The following CYP3A5 variants were observed in gnomAD, a reference collection of about 807,000 sequenced individuals.
CYP3A5 encodes cytochrome P450 family 3 subfamily A member 5.
In CYP3A5, 51 loss-of-function variants were observed where a neutral mutation model predicts 55.9. The observed-to-expected ratio is 0.91, with a 90% CI of 0.73 to 1.15. The LOEUF is 1.15. CYP3A5 is among the 50% of genes most tolerant of loss of function. The pLI, the probability that CYP3A5 is intolerant of heterozygous loss-of-function variation, is 0.00. For synonymous variants in CYP3A5, 196 were observed against 213.9 expected, an observed-to-expected ratio of 0.92 and a Z score of 0.73; for missense variants, 533 against 596.6, an observed-to-expected ratio of 0.89 and a Z score of 1.11.
chr7:99,648,829 T>G (rs1808871995), intron 12 of CYP3A5, among the ~76,000 whole-genome samples: 1 of 152,142 alleles, frequency 6.6e-6, no homozygotes, highest in African/African-American at 2.4e-5. Context: ...ACAGTTTAAT[T>G]ATGTGGGCAG....
At chr7:99,669,172 G>A (rs1210282436) in intron 4 of CYP3A5, among the ~76,000 whole-genome samples, 2 of 152,200 alleles carry the variant, frequency 1.3e-5, no homozygotes, top group Non-Finnish European at 2.9e-5. Flanking sequence ...TCAATGAAAA[G>A]TGGACAAATG....
At position 99,653,449 on chromosome 7, in the gene CYP3A5, T is replaced by TTAAA. The variant is rs1647328560; in HGVS notation, c.1027-671_1027-670insTTTA. ...TTGGGTCGTAGAGTCAGACCCTGTC[T>TTAAA]CAAATAAATAAATAAATAAATAAAT... On this transcript the variant is annotated intron_variant, in intron 10 of 12. Transcript: ENST00000222982. This position sits in a 1 kb window ranked among gnomAD's most constrained non-coding sequence, Gnocchi z 4.2. Among the ~76,000 whole-genome samples, 2 of 42,670 alleles carry TTAAA rather than the reference T, an allele frequency of 4.7e-5. No homozygotes were observed. Among genetic ancestry groups the TTAAA allele is most frequent in the South Asian group, 9.3e-4 (1 of 1,078 alleles). The allele number at this position is 42,670 out of a possible 152,430, so 28.0% of individuals were successfully genotyped here. A position where few individuals can be genotyped will look rare whatever the true frequency, so the allele number is the denominator to read the frequency against.
At chr7:99,652,189 A>G (rs1051349355) in intron 11 of CYP3A5, 1 of 148,682 alleles carries the variant, frequency 6.7e-6, no homozygotes, top group Non-Finnish European at 1.5e-5. Context: ...ATATATATAC[A>G]TATATATGTA....
chr7:99,670,093 C>T (rs1377100073), intron 4 of CYP3A5, among the ~76,000 whole-genome samples: 1 of 152,170 alleles, frequency 6.6e-6, no homozygotes, highest in Non-Finnish European at 1.5e-5. Context: ...GATGCTGACT[C>T]TAGCAAGTCA....
At chr7:99,652,342 T>C in intron 11 of CYP3A5, 1 of 407,150 alleles carries the variant, frequency 2.5e-6, no homozygotes, top group East Asian at 3.8e-5. Context: ...TAATTGATTA[T>C]CTTTGTCTTG....
intron 10 of CYP3A5, among the ~76,000 whole-genome samples, chr7:99,657,639 C>T (rs1447882423): frequency 6.6e-6 from 1 of 152,054 alleles, no homozygotes; most frequent in Non-Finnish European, 1.5e-5. Context: ...GGATATCCTT[C>T]TTAACTTTCT....
At chr7:99,672,824 A>T in intron 3 of CYP3A5, 145 bp from the exon 4 acceptor site, 1 of 1,480,922 alleles carries the variant, frequency 6.8e-7, no homozygotes, top group South Asian at 1.4e-5. Flanking sequence ...GTTCTAGTTC[A>T]TTAGGGTGTG....
At position 99,665,240 on chromosome 7, in the gene CYP3A5, G is replaced by A; in HGVS notation, c.596C>T (p.Pro199Leu). Residue 199 changes from proline (P) to leucine (L), a missense_variant, in exon 7 of 13, where the codon CCA becomes CTA. Transcript: ENST00000222982. The stretch of plus-strand genomic sequence containing the variant: ...AGTGCTCTCCACAAAGGGGTCTTGT[G>A]GATTGTTGAGAGAGTCGATGTTCAC... Reference protein sequence around the residue: ...FGVNIDSLNNPQDPFVESTKK... With the variant: ...FGVNIDSLNNLQDPFVESTKK... 1 of 1,614,152 alleles carries A rather than the reference G, an allele frequency of 6.2e-7. No individual in the cohort carries two copies. Among genetic ancestry groups the A allele is most frequent in the Non-Finnish European group, 8.5e-7 (1 of 1,179,992 alleles).
intron 10 of CYP3A5, chr7:99,658,910 C>G (rs1315650823): frequency 1.3e-5 from 2 of 152,194 alleles, no homozygotes; most frequent in African/African-American, 4.8e-5. Flanking sequence ...ACGTAGTTCT[C>G]GTGCCATGGT....
At chr7:99,671,885 A>C (rs904198743) in intron 4 of CYP3A5, 2 of 701,830 alleles carry the variant, frequency 2.8e-6, no homozygotes, top group Non-Finnish European at 5.2e-6. Flanking sequence ...AAATCTACGA[A>C]TGTGAAAAAT....
At position 99,662,040 on chromosome 7, in the gene CYP3A5, A is replaced by G. The variant is rs553766403; in HGVS notation, c.865+776T>C. 6.6e-6 allele frequency among the ~76,000 whole-genome samples: 1 copy of G among 152,378 alleles called. No individual in the cohort carries two copies. Among genetic ancestry groups the G allele is most frequent in the Non-Finnish European group, 1.5e-5 (1 of 68,038 alleles). On this transcript the variant is annotated intron_variant, in intron 9 of 12. Transcript: ENST00000222982. This position sits in a 1 kb window ranked among gnomAD's most constrained non-coding sequence, Gnocchi z 4.3. ...ATCACAGCAAGTTTTGTTGAGATAG[A>G]TAGATGATTAATTGATAAATTATAG... is the stretch of plus-strand genomic sequence containing the variant.
At position 99,653,608 on chromosome 7, in the gene CYP3A5, A is replaced by C. The variant is rs1458191508; in HGVS notation, c.1027-829T>G. 6.6e-6 allele frequency among the ~76,000 whole-genome samples: 1 copy of C among 152,158 alleles called. No homozygotes were observed. Among genetic ancestry groups the C allele is most frequent in the East Asian group, 1.9e-4 (1 of 5,196 alleles). ...ATGAAGAGAATAGAACCCCACACTC[A>C]GCCCCATCCCCTCCTTTTGGAATAG... On this transcript the variant is annotated intron_variant, in intron 10 of 12. Coordinates refer to ENST00000222982, the MANE Select transcript of CYP3A5 (RefSeq NM_000777.5). The surrounding 1 kb of genome is among the most constrained non-coding windows in gnomAD (Gnocchi z 4.2).
chr7:99,660,677 A>G lies in CYP3A5; in HGVS notation c.866-18T>C, dbSNP rs1369903542. On this transcript the variant is annotated intron_variant, in intron 9 of 12. Transcript: ENST00000222982. ...AGACAGAGCTGAAAGGAGAGGAAAG[A>G]CATTTTAGGTAAATCAGGTCAACGT... is the stretch of plus-strand genomic sequence containing the variant. The G allele has an allele frequency of 1.6e-5, 26 of 1,613,052 alleles. No homozygotes were observed. The highest frequency in any genetic ancestry group is 2.1e-5 in the Non-Finnish European group (25 of 1,179,458).
At chr7:99,650,282 G>C in intron 11 of CYP3A5, 50 bp from the exon 12 acceptor site, 1 of 1,571,640 alleles carries the variant, frequency 6.4e-7, no homozygotes, top group Non-Finnish European at 8.7e-7. Flanking sequence ...AAAAACCACA[G>C]AGTTACATGT....
Position 99,660,811 on chromosome 7 carries a change from A to G in CYP3A5, c.866-152T>C, listed in dbSNP as rs1380515225. ...GGGAGTGGTTTTCATTCTGATATGT[A>G]TCTTATACAGGGCCAGGATGACGCA... On this transcript the variant is annotated intron_variant, in intron 9 of 12. Coordinates refer to ENST00000222982, the MANE Select transcript of CYP3A5 (RefSeq NM_000777.5). 13 of 899,862 alleles carry G rather than the reference A, an allele frequency of 1.4e-5. No homozygotes were observed. The East Asian group carries it at 2.9e-4, about 20-fold the overall frequency. The allele number at this position is 899,862 out of a possible 1,614,324, so 55.7% of individuals were successfully genotyped here.
At chr7:99,665,602 A>G (rs1006662558) in intron 6 of CYP3A5, among the ~76,000 whole-genome samples, 2 of 152,214 alleles carry the variant, frequency 1.3e-5, no homozygotes, top group African/African-American at 4.8e-5. Context: ...TCAGACAACT[A>G]CAGTAGCATG....
At chr7:99,666,766 T>C (rs2151425301) in intron 5 of CYP3A5, 77 bp from the exon 6 acceptor site, 2 of 1,610,032 alleles carry the variant, frequency 1.2e-6, no homozygotes, top group South Asian at 2.2e-5. Context: ...TTCTCCAGCA[T>C]GGAGCAGTAA....
chr7:99,668,849 G>A (rs1243516941), intron 4 of CYP3A5, among the ~76,000 whole-genome samples: 1 of 152,150 alleles, frequency 6.6e-6, no homozygotes, highest in Non-Finnish European at 1.5e-5. Flanking sequence ...TTCTAATCAC[G>A]GACAGTTGAA....
intron 10 of CYP3A5, chr7:99,660,137 C>T (rs1241979987): frequency 1.2e-6 from 1 of 808,256 alleles, no homozygotes; most frequent in Non-Finnish European, 1.5e-6. Context: ...ATGCAGAAAT[C>T]ATTCGTCTTC....
Sources: allele counts gnomAD v4.1 joint callset (sites outside exome capture counted in the v4.1 genomes callset), GRCh38; gene constraint gnomAD v4.1.1; non-coding constraint Gnocchi (gnomAD v3.1); transcripts MANE v1.5; gene names NCBI Gene and HGNC (gene_info 2026-07-23, HGNC 2026-07-21).